APPBP2: variants seen among roughly 807,000 people sequenced by gnomAD.
The protein encoded by APPBP2 is amyloid beta precursor protein binding protein 2, also known as amyloid protein-binding protein 2.
A neutral mutation model predicts 76.0 loss-of-function variants in APPBP2; 15 were observed. That is an observed-to-expected ratio of 0.20 (90% confidence interval 0.13 to 0.30). APPBP2 has a LOEUF of 0.30. APPBP2 is among the 10% of genes least tolerant of loss of function. The pLI is 1.00. For missense variants in APPBP2, 401 were observed against 687.2 expected, an observed-to-expected ratio of 0.58 and a Z score of 4.66; for synonymous variants, 222 against 242.2, an observed-to-expected ratio of 0.92 and a Z score of 0.77.
At chr17:60,489,610 CAAA>C (rs746715643) in intron 3 of APPBP2, among the ~76,000 whole-genome samples, 5 of 53,570 alleles carry the variant, frequency 9.3e-5, no homozygotes, top group Admixed American at 2.0e-4. Context: ...GACCATGTCT[CAAA>C]AAAAAAAAAA....
intron 4 of APPBP2, among the ~76,000 whole-genome samples, chr17:60,471,869 T>C (rs982238535): frequency 6.6e-6 from 1 of 152,192 alleles, no homozygotes. Flanking sequence ...CTCATGCCTG[T>C]AATCCTAGAA....
chr17:60,525,310 A>T (rs938448550), intron 1 of APPBP2, among the ~76,000 whole-genome samples: 2 of 152,256 alleles, frequency 1.3e-5, no homozygotes, highest in South Asian at 4.1e-4. Context: ...AAAAGAAAGG[A>T]GAAACGAAGG....
chr17:60,495,277 C>T (rs539949957), intron 2 of APPBP2, among the ~76,000 whole-genome samples: 8 of 151,632 alleles, frequency 5.3e-5, no homozygotes, highest in Non-Finnish European at 1.0e-4. Context: ...TGAGCCACCA[C>T]GCCTGGCTGA....
Position 60,447,469 on chromosome 17 carries a change from TG to T in APPBP2, c.*111del. 1 of 1,263,416 alleles carries T rather than the reference TG, an allele frequency of 7.9e-7. No homozygotes were observed. Among genetic ancestry groups the T allele is most frequent in the Non-Finnish European group, 1.1e-6 (1 of 916,660 alleles). 78.3% of individuals were successfully genotyped at this position (1,263,416 alleles called of 1,614,324 possible). ...ACCCAAAATAGGGTCTTCAATGGAC[TG>T]GACCAGTGTTTCAATGCAAATTCCA... On this transcript the variant is annotated 3_prime_UTR_variant, in exon 13 of 13. Transcript: ENST00000083182.
In APPBP2 at chr17:60,508,574, A is replaced by G. The variant is rs550459668; in HGVS notation, c.139-8087T>C. Reference sequence around the variant, plus strand: ...AGTATCAAAGACCAGAAAGGAGCTGAGGCAGCATATCCTGTAAGCAAAGAG... The same window carrying G: ...AGTATCAAAGACCAGAAAGGAGCTGGGGCAGCATATCCTGTAAGCAAAGAG... On this transcript the variant is annotated intron_variant, in intron 1 of 12. Coordinates refer to ENST00000083182, the MANE Select transcript of APPBP2 (RefSeq NM_006380.5). Among the ~76,000 whole-genome samples the G allele has an allele frequency of 7.2e-5, 11 of 152,324 alleles. 1 individual carries two copies. The South Asian group carries it at 2.3e-3, about 32-fold the overall frequency.
intron 3 of APPBP2, among the ~76,000 whole-genome samples, chr17:60,488,020 C>T (rs934588982): frequency 1.3e-5 from 2 of 152,224 alleles, no homozygotes; most frequent in Admixed American, 1.3e-4. Flanking sequence ...GGGGTATCAC[C>T]AGCGAAAGCT....
Position 60,447,810 on chromosome 17 carries a change from T to C in APPBP2, c.1529A>G (p.Tyr510Cys), listed in dbSNP as rs1172295566. 1 of 1,589,482 alleles carries C rather than the reference T, an allele frequency of 6.3e-7. No individual in the cohort carries two copies. ...AIGKKLFGEG[Y>C]SGLEYDYRGL... ...TCGATAATCATATTCTAGTCCACTGTAGCCCTCACCAAAAAGTTTCTTCCC... is the reference window on the plus strand; with the variant it reads ...TCGATAATCATATTCTAGTCCACTGCAGCCCTCACCAAAAAGTTTCTTCCC... Residue 510 changes from tyrosine to cysteine, a missense_variant, in exon 13 of 13, where the codon TAC (tyrosine) becomes TGC (cysteine). By Grantham distance (194) the Tyr-to-Cys change is radical (BLOSUM62 -2). This residue lies in a region of APPBP2 where 130 missense variants were observed against 322.7 expected (regional missense o/e 0.40). Coordinates refer to ENST00000083182, the MANE Select transcript of APPBP2 (RefSeq NM_006380.5).
In APPBP2 at chr17:60,525,997, C is replaced by G; in HGVS notation, c.-66G>C. 6.8e-7 allele frequency: 1 copy of G among 1,473,962 alleles called. No homozygotes were observed. Among genetic ancestry groups the G allele is most frequent in the Non-Finnish European group, 9.2e-7 (1 of 1,088,364 alleles). 91.3% of individuals were successfully genotyped at this position (1,473,962 alleles called of 1,614,324 possible). The stretch of plus-strand genomic sequence containing the variant: ...CGAAGGCCCCCACCTCCCTCCGTAG[C>G]GAACCCCTCTGCGGCCCCGGAGGAT... On this transcript the variant is annotated 5_prime_UTR_variant, in exon 1 of 13. Coordinates refer to ENST00000083182, the MANE Select transcript of APPBP2 (RefSeq NM_006380.5).
In APPBP2 at chr17:60,500,201, A is replaced by G. The variant is rs187691441; in HGVS notation, c.227+198T>C. Among the ~76,000 whole-genome samples the G allele has an allele frequency of 1.0e-3, 152 of 152,078 alleles. 10 individuals are homozygous for G. The East Asian group carries it at 0.011, about 11-fold the overall frequency. Reference sequence around the variant, plus strand: ...AATTTTTTGTATTTTTAGTAGAGACAGGGTTTCATCACGTTAGCCAGGAAG... The same window carrying G: ...AATTTTTTGTATTTTTAGTAGAGACGGGGTTTCATCACGTTAGCCAGGAAG... On this transcript the variant is annotated intron_variant, in intron 2 of 12. Transcript: ENST00000083182.
intron 1 of APPBP2, among the ~76,000 whole-genome samples, chr17:60,511,959 C>A (rs2143484088): frequency 6.6e-6 from 1 of 152,242 alleles, no homozygotes; most frequent in Non-Finnish European, 1.5e-5. Flanking sequence ...TAAGTTCACA[C>A]TGAATATATA....
rs977285625 is a variant in APPBP2 at position 60,443,572 on chromosome 17, A to G, written c.*4009T>C. ...TTCACATCATAAAAGTAGAACTGAA[A>G]AGTTTTAGTTACCATGGCAAAATAT... On this transcript the variant is annotated 3_prime_UTR_variant, in exon 13 of 13. Coordinates refer to ENST00000083182, the MANE Select transcript of APPBP2 (RefSeq NM_006380.5). 2.6e-5 allele frequency: 4 copies of G among 152,682 alleles called. No homozygotes were observed. Among genetic ancestry groups the G allele is most frequent in the African/African-American group, 7.2e-5 (3 of 41,470 alleles). The allele number at this position is 152,682 out of a possible 1,614,324, so 9.5% of individuals were successfully genotyped here.
Position 60,525,844 on chromosome 17 carries a change from G to A in APPBP2, c.88C>T (p.Arg30Ter). The A allele has an allele frequency of 6.2e-7, 1 of 1,614,028 alleles. No individual in the cohort carries two copies. Among genetic ancestry groups the A allele is most frequent in the Non-Finnish European group, 8.5e-7 (1 of 1,179,986 alleles). The change falls in exon 1 of 13, where the codon CGA becomes TGA. Residue 30 changes from arginine (R) to a stop codon, truncating the protein, a stop_gained. Coordinates refer to ENST00000083182, the MANE Select transcript of APPBP2 (RefSeq NM_006380.5). LOFTEE classifies it high-confidence loss of function. ...TTCTCGGGCAAGGAGCGGATGTCTC[G>A]GCGGGAGCGGATGTAGTTGTCCACG... ...AVVDNYIRSR[R>*]DIRSLPENIQ...
chr17:60,467,320 C>T (rs569731313), intron 4 of APPBP2, among the ~76,000 whole-genome samples: 17 of 152,226 alleles, frequency 1.1e-4, no homozygotes, highest in South Asian at 2.1e-4. Context: ...AGCATCAAAT[C>T]AACAGATACA....
At chr17:60,496,224 T>C (rs1686534547) in intron 2 of APPBP2, among the ~76,000 whole-genome samples, 1 of 152,232 alleles carries the variant, frequency 6.6e-6, no homozygotes, top group South Asian at 2.1e-4. Flanking sequence ...AATTAGACAG[T>C]GGTGATGGTT....
rs1212663300 is a variant in APPBP2, at chr17:60,451,893, T to C, written c.1491A>G (p.Arg497=). Residue 497 remains arginine, a synonymous_variant, in exon 12 of 13, where the codon CGA becomes CGG. Coordinates refer to ENST00000083182, the MANE Select transcript of APPBP2 (RefSeq NM_006380.5). ...QYENAEKLYL[R]SIAIGKKLFG... ...AATGTAACATACCAATTGCTATAGA[T>C]CGCAAATAAAGTTTCTCAGCATTTT... 6.2e-7 allele frequency: 1 copy of C among 1,607,398 alleles called. No individual in the cohort carries two copies. The highest frequency in any genetic ancestry group is 8.5e-7 in the Non-Finnish European group (1 of 1,178,162).
In APPBP2 at chr17:60,493,225, G is replaced by A. The variant is rs538592711; in HGVS notation, c.379+1241C>T. 5.9e-5 allele frequency among the ~76,000 whole-genome samples: 9 copies of A among 152,130 alleles called. 1 individual carries two copies. The East Asian group carries it at 1.2e-3, about 20-fold the overall frequency. ...TTTGCTTTATAAATTACCCAGTCTC[G>A]GGTATGTCTTTAATGGCAGCATGAA... On this transcript the variant is annotated intron_variant, in intron 3 of 12. Transcript: ENST00000083182.
rs532360491 is a variant in APPBP2, at chr17:60,513,244, A to C, written c.138+12550T>G. Reference sequence around the variant, plus strand: ...GACTTCCACCTGAAGTAAATCAGATATTGTATATAAGAAATTTGCCATACA... The same window carrying C: ...GACTTCCACCTGAAGTAAATCAGATCTTGTATATAAGAAATTTGCCATACA... On this transcript the variant is annotated intron_variant, in intron 1 of 12. Transcript: ENST00000083182. 15 of 416,616 alleles carry C rather than the reference A, an allele frequency of 3.6e-5. No homozygotes were observed. In the East Asian group the frequency reaches 7.0e-4, roughly 19 times the overall value. 25.8% of individuals were successfully genotyped at this position (416,616 alleles called of 1,614,324 possible).
At chr17:60,511,365 T>A (rs1287687021) in intron 1 of APPBP2, among the ~76,000 whole-genome samples, 1 of 152,062 alleles carries the variant, frequency 6.6e-6, no homozygotes, top group Admixed American at 6.6e-5. Context: ...GGTGGGTGGA[T>A]CATGAGGTCA....
rs143227711 is a variant in APPBP2 at position 60,525,407 on chromosome 17, A to G, written c.138+387T>C. On this transcript the variant is annotated intron_variant, in intron 1 of 12. Coordinates refer to ENST00000083182, the MANE Select transcript of APPBP2 (RefSeq NM_006380.5). ...ATGGGTGGGGGGAGGAGCACGGAAAAAAGTCCAGCTGATGCTGACACTTAA... is the reference window on the plus strand; with the variant it reads ...ATGGGTGGGGGGAGGAGCACGGAAAGAAGTCCAGCTGATGCTGACACTTAA... Among the ~76,000 whole-genome samples the G allele has an allele frequency of 1.4e-4, 21 of 152,262 alleles. No homozygotes were observed. In the East Asian group the frequency reaches 4.0e-3, roughly 29 times the overall value.
Sources: allele counts gnomAD v4.1 joint callset (sites outside exome capture counted in the v4.1 genomes callset), GRCh38; gene constraint gnomAD v4.1.1; regional missense constraint gnomAD v4.1.1; transcripts MANE v1.5; gene names NCBI Gene and HGNC (gene_info 2026-07-23, HGNC 2026-07-21).